Variants in DMXL2 observed in about 807,000 individuals in gnomAD.
The protein encoded by DMXL2 is Dmx like 2.
Under a neutral mutation model 331.1 loss-of-function variants are expected in DMXL2, and 103 were observed. The observed-to-expected ratio is 0.31, with a 90% CI of 0.27 to 0.37. The LOEUF (loss-of-function observed/expected upper bound fraction) is 0.37. DMXL2 is among the 10% of genes least tolerant of loss of function. DMXL2 has a pLI of 1.00. For missense variants in DMXL2, 3,171 were observed against 3,642.9 expected, an observed-to-expected ratio of 0.87 and a Z score of 3.33; for synonymous variants, 1,281 against 1,252.1, an observed-to-expected ratio of 1.02 and a Z score of -0.49.
intron 29 of DMXL2, among the ~76,000 whole-genome samples, chr15:51,468,205 C>T (rs545912435): frequency 6.6e-6 from 1 of 152,288 alleles, no homozygotes; most frequent in Non-Finnish European, 1.5e-5. Context: ...CAGCATCTGT[C>T]TGTAGTTTCT....
At chr15:51,502,771 T>C (rs1396210208) in intron 17 of DMXL2, 35 bp downstream of exon 17, 2 of 1,430,406 alleles carry the variant, frequency 1.4e-6, no homozygotes, top group African/African-American at 2.8e-5. Context: ...TTTATCACTC[T>C]GAGCTACCAC....
chr15:51,538,893 T>G (rs1466447244), intron 9 of DMXL2, among the ~76,000 whole-genome samples: 1 of 152,142 alleles, frequency 6.6e-6, no homozygotes, highest in East Asian at 1.9e-4. Context: ...CCATGATAGG[T>G]GTAACTTACT....
intron 23 of DMXL2, among the ~76,000 whole-genome samples, chr15:51,482,917 G>A (rs569952959): frequency 1.4e-4 from 21 of 152,346 alleles, no homozygotes; most frequent in African/African-American, 5.0e-4. Flanking sequence ...GCACTAGAGT[G>A]CAGCAGGGGA....
At chr15:51,516,960 G>C in intron 14 of DMXL2, 118 bp downstream of exon 14, 1 of 793,470 alleles carries the variant, frequency 1.3e-6, no homozygotes, top group Non-Finnish European at 2.1e-6. Context: ...ATCAACATAA[G>C]TTGTCTGCAT....
At chr15:51,477,968 A>G (rs1347422699) in intron 26 of DMXL2, among the ~76,000 whole-genome samples, 9 of 152,086 alleles carry the variant, frequency 5.9e-5, no homozygotes, top group Non-Finnish European at 7.4e-5. Flanking sequence ...CTAAGGAAAA[A>G]CAATTAGAAA....
chr15:51,593,057 C>A (rs577107383), intron 1 of DMXL2, among the ~76,000 whole-genome samples: 2 of 152,100 alleles, frequency 1.3e-5, no homozygotes, highest in Admixed American at 6.5e-5. Context: ...CAAATTCACA[C>A]CTGACAATAT....
rs766811285 is a variant in DMXL2, at chr15:51,536,383, T to C, written c.2097A>G (p.Ile699Met). The C allele has an allele frequency of 5.6e-6, 9 of 1,613,526 alleles. No individual in the cohort carries two copies. The highest frequency in any genetic ancestry group is 7.6e-6 in the Non-Finnish European group (9 of 1,179,822). Residue 699 changes from isoleucine (I) to methionine (M), a missense_variant, in exon 12 of 44, where the codon ATA becomes ATG. Coordinates refer to ENST00000560891, the MANE Select transcript of DMXL2 (RefSeq NM_001378457.1). ...LSRLMDPVKH[I>M]KGSSKQPLRN... is the part of the protein sequence containing the mutation. ...TAAGAGGTTGTTTCGAGGAACCTTT[T>C]ATATGTTTTACAGGGTCCATTAATC...
At chr15:51,510,294 A>G (rs549310617) in intron 15 of DMXL2, among the ~76,000 whole-genome samples, 31 of 152,328 alleles carry the variant, frequency 2.0e-4, no homozygotes, top group African/African-American at 7.5e-4. Context: ...ACATGACTGT[A>G]TATTTAGAAA....
chr15:51,490,365 G>A (rs991716482), intron 20 of DMXL2, among the ~76,000 whole-genome samples: 5 of 152,186 alleles, frequency 3.3e-5, no homozygotes, highest in African/African-American at 1.2e-4. Context: ...TTTACCAGTT[G>A]AGTCTTCTCT....
At chr15:51,622,282 G>A (rs1179506717) in intron 1 of DMXL2, among the ~76,000 whole-genome samples, 177 bp downstream of exon 1, 3 of 152,190 alleles carry the variant, frequency 2.0e-5, no homozygotes, top group African/African-American at 7.2e-5. Flanking sequence ...ACCAGACGCA[G>A]GACCCACGGT....
In DMXL2 at chr15:51,537,641, C is replaced by A. The variant is rs776657525; in HGVS notation, c.1464G>T (p.Thr488=). ...SRLSVPMPLP[T]VLLDRKIETL... is the part of the protein sequence containing the mutation. ...TTTCAATCTTCCGATCAAGCAGAAC[C>A]GTAGGCAGTGGCATTGGTACACTAA... Residue 488 remains threonine, a synonymous_variant, in exon 11 of 44, where the codon ACG becomes ACT. Transcript: ENST00000560891. The A allele has an allele frequency of 5.0e-6, 8 of 1,613,810 alleles. No homozygotes were observed. In the Admixed American group the frequency reaches 1.2e-4, roughly 24 times the overall value.
Position 51,564,173 on chromosome 15 carries a change from T to C in DMXL2, c.452A>G (p.Asn151Ser), listed in dbSNP as rs767359773. 79 of 1,607,058 alleles carry C rather than the reference T, an allele frequency of 4.9e-5. No individual in the cohort carries two copies. Among genetic ancestry groups the C allele is most frequent in the Non-Finnish European group, 6.5e-5 (76 of 1,177,362 alleles). The change falls in exon 5 of 44, where the codon AAT becomes AGT. Residue 151 changes from asparagine (N) to serine (S), a missense_variant. Coordinates refer to ENST00000560891, the MANE Select transcript of DMXL2 (RefSeq NM_001378457.1). ...DILEEEEEID[N>S]TVPPVLNDWK... The stretch of plus-strand genomic sequence containing the variant: ...ATCATTTAAAACAGGAGGAACTGTA[T>C]TATCAATTTCTTCCTCCTCTTCCAG...
chr15:51,515,327 A>C (rs1252918795), intron 14 of DMXL2, among the ~76,000 whole-genome samples: 1 of 152,212 alleles, frequency 6.6e-6, no homozygotes, highest in East Asian at 1.9e-4. Context: ...CAGAGATTTC[A>C]AGAAAAGGAA....
intron 40 of DMXL2, 33 bp from the exon 41 acceptor site, chr15:51,453,674 T>C (rs1240465997): frequency 6.4e-7 from 1 of 1,565,608 alleles, no homozygotes; most frequent in African/African-American, 1.4e-5. Context: ...GATGTTATTT[T>C]ACCATTGGAT....
intron 18 of DMXL2, among the ~76,000 whole-genome samples, chr15:51,496,027 T>C (rs910505082): frequency 6.6e-6 from 1 of 152,102 alleles, no homozygotes; most frequent in African/African-American, 2.4e-5. Flanking sequence ...TATTTATTTA[T>C]GGACATGAGA....
chr15:51,475,743 T>C (rs2041526950), intron 27 of DMXL2, among the ~76,000 whole-genome samples: 4 of 152,236 alleles, frequency 2.6e-5, no homozygotes, highest in Admixed American at 2.6e-4. Flanking sequence ...GTCTGTAGAT[T>C]AGAGAACATA....
chr15:51,480,243 G>C (rs755342210), intron 24 of DMXL2, 104 bp from the exon 25 acceptor site: 1 of 1,164,720 alleles, frequency 8.6e-7, no homozygotes, highest in Non-Finnish European at 1.2e-6. Context: ...GAATATGTTC[G>C]CTCACTCATT....
rs778989863 is a variant in DMXL2, at chr15:51,450,110, A to G, written c.8967+19T>C. 5.0e-6 allele frequency: 8 copies of G among 1,608,908 alleles called. No individual in the cohort carries two copies. The highest frequency in any genetic ancestry group is 1.1e-5 in the South Asian group (1 of 90,794). Reference sequence around the variant, plus strand: ...TCCAATCAGTCTTTAGCACATTCCAACCTCTTGTACTGACTCACCTTTATG... The same window carrying G: ...TCCAATCAGTCTTTAGCACATTCCAGCCTCTTGTACTGACTCACCTTTATG... On this transcript the variant is annotated intron_variant, in intron 43 of 43. Transcript: ENST00000560891.
intron 8 of DMXL2, among the ~76,000 whole-genome samples, chr15:51,544,048 CTT>C (rs1380255390): frequency 6.6e-6 from 1 of 152,036 alleles, no homozygotes; most frequent in African/African-American, 2.4e-5. Context: ...TAAAAGATAA[CTT>C]TAACTGTTTT....
Sources: allele counts gnomAD v4.1 joint callset (sites outside exome capture counted in the v4.1 genomes callset), GRCh38; gene constraint gnomAD v4.1.1; transcripts MANE v1.5; gene names NCBI Gene and HGNC (gene_info 2026-07-23, HGNC 2026-07-21).